CTNNA3: variants seen among roughly 807,000 people sequenced by gnomAD.
CTNNA3 encodes the protein catenin alpha 3, also known as catenin alpha-3.
A neutral mutation model predicts 95.7 loss-of-function variants in CTNNA3; 76 were observed. That is an observed-to-expected ratio of 0.79 (90% confidence interval 0.66 to 0.96). CTNNA3 has a LOEUF of 0.96. Among genes scored for constraint, CTNNA3 ranks in the 40% least tolerant of loss-of-function variants. The probability of loss-of-function intolerance (pLI) is 0.00; values close to 1 mark genes in which losing one functional copy is unlikely to be tolerated. For synonymous variants in CTNNA3, 431 were observed against 374.4 expected, an observed-to-expected ratio of 1.15 and a Z score of -1.74; for missense variants, 1,191 against 1,089.8, an observed-to-expected ratio of 1.09 and a Z score of -1.31.
chr10:67,008,633 A>G (rs1852145306), intron 7 of CTNNA3, among the ~76,000 whole-genome samples: 1 of 152,154 alleles, frequency 6.6e-6, no homozygotes, highest in Admixed American at 6.6e-5. Flanking sequence ...GGTCTAGGAT[A>G]GCCCCATTCA....
intron 7 of CTNNA3, among the ~76,000 whole-genome samples, chr10:66,873,998 C>T (rs12769481): frequency 0.14 from 21,775 of 152,008 alleles, 2,027 homozygotes; most frequent in African/African-American, 0.26. Flanking sequence ...AGGAAAGGTA[C>T]CAGAGCTACC....
At chr10:65,996,713 G>C (rs1456756712) in intron 15 of CTNNA3, among the ~76,000 whole-genome samples, 1 of 152,126 alleles carries the variant, frequency 6.6e-6, no homozygotes, top group Non-Finnish European at 1.5e-5. Flanking sequence ...GCCCATCATG[G>C]GAATGTGGAC....
chr10:66,377,727 A>G (rs1362294493), intron 12 of CTNNA3, among the ~76,000 whole-genome samples: 1 of 150,952 alleles, frequency 6.6e-6, no homozygotes, highest in Non-Finnish European at 1.5e-5. Context: ...AATCAGGGAC[A>G]CAGAAAACTC....
intron 10 of CTNNA3, among the ~76,000 whole-genome samples, chr10:66,612,504 T>C (rs1844362227): frequency 6.6e-6 from 1 of 152,066 alleles, no homozygotes; most frequent in Non-Finnish European, 1.5e-5. Flanking sequence ...GCAACATCAC[T>C]TTACTGGGAG....
intron 7 of CTNNA3, among the ~76,000 whole-genome samples, chr10:66,825,444 T>G (rs1842473807): frequency 6.6e-6 from 1 of 151,366 alleles, no homozygotes. Context: ...CCCGGCTAAT[T>G]TTGGTATTTT....
intron 13 of CTNNA3, among the ~76,000 whole-genome samples, chr10:66,245,438 G>T (rs898047481): frequency 2.6e-5 from 4 of 152,186 alleles, no homozygotes; most frequent in Admixed American, 2.0e-4. Flanking sequence ...CCCTGTTTGT[G>T]TTAGCTCTTT....
intron 7 of CTNNA3, among the ~76,000 whole-genome samples, chr10:67,136,272 C>G (rs1469751912): frequency 6.6e-6 from 1 of 151,758 alleles, no homozygotes; most frequent in South Asian, 2.1e-4. Flanking sequence ...TAATTATATT[C>G]TCTCATATGG....
chr10:66,034,516 T>C (rs1017225965), intron 15 of CTNNA3, among the ~76,000 whole-genome samples: 2 of 152,230 alleles, frequency 1.3e-5, no homozygotes, highest in Admixed American at 1.3e-4. Context: ...AGCAGCCCTG[T>C]GCTCAGTGAC....
intron 7 of CTNNA3, among the ~76,000 whole-genome samples, chr10:67,080,496 T>G (rs1025684915): frequency 2.0e-5 from 3 of 152,122 alleles, no homozygotes; most frequent in Non-Finnish European, 4.4e-5. Flanking sequence ...GACATGAGAT[T>G]TTTTTTTCTC....
chr10:66,644,984 A>G (rs1242009870), intron 9 of CTNNA3, among the ~76,000 whole-genome samples: 1 of 152,190 alleles, frequency 6.6e-6, no homozygotes, highest in Non-Finnish European at 1.5e-5. Context: ...TATTATTTCA[A>G]AATGTTTTAT....
chr10:67,378,228 A>T (rs1157448945), intron 5 of CTNNA3, among the ~76,000 whole-genome samples: 13 of 152,200 alleles, frequency 8.5e-5, no homozygotes. Context: ...GATTTTAAAC[A>T]TTTTGAGAAT....
intron 5 of CTNNA3, among the ~76,000 whole-genome samples, chr10:67,393,046 T>C (rs1002756653): frequency 6.7e-6 from 1 of 150,062 alleles, no homozygotes; most frequent in African/African-American, 2.5e-5. Context: ...CCCTAAAACT[T>C]AAAGTATAAT....
intron 11 of CTNNA3, among the ~76,000 whole-genome samples, chr10:66,411,508 T>A (rs778125794): frequency 2.0e-5 from 3 of 151,994 alleles, no homozygotes; most frequent in African/African-American, 7.2e-5. Context: ...AGGTAATTTT[T>A]TATATAAATA....
chr10:66,009,023 C>T (rs2078952594), intron 15 of CTNNA3, among the ~76,000 whole-genome samples: 1 of 152,014 alleles, frequency 6.6e-6, no homozygotes, highest in African/African-American at 2.4e-5. Context: ...TCACTTGAAC[C>T]CTGGAGGCGG....
chr10:67,515,323 A>G (rs895915231), intron 5 of CTNNA3, among the ~76,000 whole-genome samples: 4 of 152,204 alleles, frequency 2.6e-5, no homozygotes, highest in African/African-American at 9.6e-5. Context: ...TGAATTTGTT[A>G]CTGACTCAGG....
At chr10:66,823,990 G>A (rs951058290) in intron 7 of CTNNA3, among the ~76,000 whole-genome samples, 7 of 151,498 alleles carry the variant, frequency 4.6e-5, no homozygotes, top group African/African-American at 1.7e-4. Flanking sequence ...AGGAAAAAAT[G>A]TGAATGTTCT....
At chr10:66,175,874 C>G (rs1226672498) in intron 13 of CTNNA3, among the ~76,000 whole-genome samples, 1 of 152,096 alleles carries the variant, frequency 6.6e-6, no homozygotes, top group East Asian at 1.9e-4. Flanking sequence ...GATGCTGACC[C>G]AATGAAAAAC....
intron 13 of CTNNA3, among the ~76,000 whole-genome samples, chr10:66,214,622 A>C (rs1410065423): frequency 6.6e-6 from 1 of 151,970 alleles, no homozygotes; most frequent in African/African-American, 2.4e-5. Context: ...ATATTTCAGG[A>C]AAGAGAGGGA....
At chr10:67,065,665 C>T (rs1026926366) in intron 7 of CTNNA3, among the ~76,000 whole-genome samples, 1 of 151,982 alleles carries the variant, frequency 6.6e-6, no homozygotes, top group African/African-American at 2.4e-5. Context: ...TCCTCCATGC[C>T]CTTTCCCCAA....
Sources: gnomAD v4.1 joint callset for allele counts (sites outside exome capture counted in the v4.1 genomes callset) on GRCh38, gnomAD v4.1.1 for gene constraint, MANE v1.5 for transcripts, NCBI Gene and HGNC (gene_info 2026-07-23, HGNC 2026-07-21) for gene names.